Variants in TP53BP1 observed in about 807,000 individuals in gnomAD.
TP53BP1 encodes TP53-binding protein 1.
Under a neutral mutation model 200.8 loss-of-function variants are expected in TP53BP1, and 61 were observed. The observed-to-expected ratio is 0.30, with a 90% CI of 0.25 to 0.38. The LOEUF (loss-of-function observed/expected upper bound fraction) is 0.38. TP53BP1 is among the 10% of genes least tolerant of loss of function. The pLI is 1.00. For synonymous variants in TP53BP1, 822 were observed against 844.3 expected, an observed-to-expected ratio of 0.97 and a Z score of 0.46; for missense variants, 2,144 against 2,371.9, an observed-to-expected ratio of 0.90 and a Z score of 2.00.
At chr15:43,431,873 A>AC (rs1380445622) in intron 17 of TP53BP1, among the ~76,000 whole-genome samples, 2 of 152,224 alleles carry the variant, frequency 1.3e-5, no homozygotes, top group Non-Finnish European at 2.9e-5. Context: ...GGCAAGATAA[A>AC]AAGTATGGAG....
chr15:43,441,594 ACAAAAC>A lies in TP53BP1; in HGVS notation c.3041-17_3041-12del. The A allele has an allele frequency of 6.2e-7, 1 of 1,603,270 alleles. No homozygotes were observed. The highest frequency in any genetic ancestry group is 8.5e-7 in the Non-Finnish European group (1 of 1,170,304). The stretch of plus-strand genomic sequence containing the variant: ...CACCAGTTGCAGGCTCTGAATAAAA[ACAAAAC>A]CAAGGAGAGAAAGGAAAGAGAAACA... On this transcript the variant is annotated splice_polypyrimidine_tract_variant and intron_variant, in intron 14 of 27. Coordinates refer to ENST00000382044, the MANE Select transcript of TP53BP1 (RefSeq NM_001141980.3).
Position 43,416,349 on chromosome 15 carries a change from T to C in TP53BP1, c.4749A>G (p.Arg1583=), listed in dbSNP as rs775194259. The C allele has an allele frequency of 1.2e-6, 2 of 1,614,212 alleles. No individual in the cohort carries two copies. Among genetic ancestry groups the C allele is most frequent in the Non-Finnish European group, 8.5e-7 (1 of 1,180,030 alleles). ...LYYSIEKEGQ[R]KWYKRMAVIL... is the part of the protein sequence containing the mutation. The stretch of plus-strand genomic sequence containing the variant: ...TGACAGCCATTCGCTTATACCACTT[T>C]CTTTGGCCTTCTTTTTCAATGCTGT... Residue 1583 remains arginine, a synonymous_variant, in exon 22 of 28, where the codon AGA becomes AGG. Coordinates refer to ENST00000382044, the MANE Select transcript of TP53BP1 (RefSeq NM_001141980.3).
At chr15:43,491,850 C>T in intron 3 of TP53BP1, 97 bp from the exon 4 acceptor site, 1 of 1,155,912 alleles carries the variant, frequency 8.7e-7, no homozygotes. Context: ...ATCAGTGACA[C>T]TAGCACATCA....
Position 43,405,173 on chromosome 15 carries a change from C to T in TP53BP1, c.*2210G>A. The stretch of plus-strand genomic sequence containing the variant: ...AAGGTAGTCTTGGGAAAGCATGACA[C>T]TTAATAAGGCTCTTTTTCTCTTTTG... On this transcript the variant is annotated 3_prime_UTR_variant, in exon 28 of 28. Coordinates refer to ENST00000382044, the MANE Select transcript of TP53BP1 (RefSeq NM_001141980.3). The T allele has an allele frequency of 1.2e-6, 2 of 1,613,830 alleles. No homozygotes were observed. Among genetic ancestry groups the T allele is most frequent in the Non-Finnish European group, 8.5e-7 (1 of 1,179,810 alleles).
At chr15:43,474,491 A>C (rs1167992123) in intron 10 of TP53BP1, among the ~76,000 whole-genome samples, 182 bp downstream of exon 10, 1 of 152,050 alleles carries the variant, frequency 6.6e-6, no homozygotes, top group Non-Finnish European at 1.5e-5. Context: ...AAGGAAAAGC[A>C]AAGAACTGAG....
At chr15:43,495,648 T>C (rs1261716743), upstream of TP53BP1, among the ~76,000 whole-genome samples, 1 of 151,686 alleles carries the variant, frequency 6.6e-6, no homozygotes, top group Non-Finnish European at 1.5e-5. Flanking sequence ...AAACACGGTC[T>C]CTACTAAAAA....
intron 1 of TP53BP1, among the ~76,000 whole-genome samples, chr15:43,510,029 A>G (rs1407738909): frequency 6.6e-6 from 1 of 152,004 alleles, no homozygotes; most frequent in Non-Finnish European, 1.5e-5. Context: ...GACTAACAGC[A>G]CTTTTTTACA....
chr15:43,441,749 T>C (rs967312059), intron 14 of TP53BP1, among the ~76,000 whole-genome samples, 166 bp from the exon 15 acceptor site: 6 of 152,200 alleles, frequency 3.9e-5, no homozygotes, highest in Non-Finnish European at 7.3e-5. Context: ...CTTGTAATTT[T>C]ATTTATTTAT....
intron 18 of TP53BP1, among the ~76,000 whole-genome samples, chr15:43,424,488 GATCT>G (rs1274128126): frequency 1.3e-5 from 2 of 152,100 alleles, no homozygotes; most frequent in African/African-American, 4.8e-5. Context: ...ATAATAACTG[GATCT>G]ATCACAGAAT....
chr15:43,454,993 G>C (rs1422271080), intron 12 of TP53BP1, among the ~76,000 whole-genome samples: 3 of 152,210 alleles, frequency 2.0e-5, no homozygotes, highest in Non-Finnish European at 2.9e-5. Flanking sequence ...GCCTCCCAAA[G>C]TGTTAGGATT....
At position 43,413,199 on chromosome 15, in the gene TP53BP1, G is replaced by A. The variant is rs761234032; in HGVS notation, c.5225C>T (p.Thr1742Ile). 1 of 1,614,200 alleles carries A rather than the reference G, an allele frequency of 6.2e-7. No individual in the cohort carries two copies. The highest frequency in any genetic ancestry group is 1.7e-5 in the Admixed American group (1 of 60,032). ...CAACTTGTCACTGGTTGTGGCCATG[G>A]TAAGGAGAAATGCGTAGCCCAGAAA... ...TLFLGYAFLLTMATTSDKLAS... is the reference protein window; with the variant it reads ...TLFLGYAFLLIMATTSDKLAS... Residue 1742 changes from threonine (T) to isoleucine (I), a missense_variant, in exon 24 of 28, where the codon ACC becomes ATC. Physicochemically the swap from Thr to Ile is moderately conservative, Grantham distance 89. This residue lies in a region of TP53BP1 where 334 missense variants were observed against 453.4 expected (regional missense o/e 0.74). Transcript: ENST00000382044.
chr15:43,448,390 C>A (rs1393403281), intron 12 of TP53BP1, among the ~76,000 whole-genome samples: 1 of 152,106 alleles, frequency 6.6e-6, no homozygotes, highest in Non-Finnish European at 1.5e-5. Context: ...TTTCTTCTTA[C>A]TTTCCTGGGA....
At chr15:43,415,853 T>G in intron 22 of TP53BP1, 44 bp from the exon 23 acceptor site, 8 of 1,542,004 alleles carry the variant, frequency 5.2e-6, no homozygotes, top group Non-Finnish European at 6.2e-6. Flanking sequence ...CTCTATGGTA[T>G]GAGGCCCTGA....
At chr15:43,416,590 A>G (rs1041995837) in intron 21 of TP53BP1, 174 bp from the exon 22 acceptor site, 2 of 536,692 alleles carry the variant, frequency 3.7e-6, no homozygotes, top group Admixed American at 3.4e-5. Context: ...CACTTAGGAT[A>G]TATGTAGCTA....
intron 18 of TP53BP1, 55 bp downstream of exon 18, chr15:43,427,961 A>G: frequency 5.0e-6 from 6 of 1,201,332 alleles, no homozygotes; most frequent in Middle Eastern, 2.4e-4. Context: ...TGTCTCCAAA[A>G]AAAAAAAAAA....
intron 17 of TP53BP1, among the ~76,000 whole-genome samples, chr15:43,429,143 C>A (rs1289250932): frequency 6.6e-6 from 1 of 152,056 alleles, no homozygotes; most frequent in African/African-American, 2.4e-5. Context: ...TTACAGACAG[C>A]CCGAGTTCAT....
At chr15:43,415,856 G>A in intron 22 of TP53BP1, 47 bp from the exon 23 acceptor site, 2 of 1,517,290 alleles carry the variant, frequency 1.3e-6, no homozygotes, top group Non-Finnish European at 1.8e-6. Flanking sequence ...TATGGTATGA[G>A]GCCCTGAACT....
At chr15:43,455,759 A>T in intron 12 of TP53BP1, 133 bp downstream of exon 12, 6 of 1,169,556 alleles carry the variant, frequency 5.1e-6, no homozygotes, top group Non-Finnish European at 5.9e-6. Flanking sequence ...TTAATTTCCC[A>T]ATTATTATTG....
At position 43,420,687 on chromosome 15, in the gene TP53BP1, G is replaced by C. The variant is rs1299399637; in HGVS notation, c.4299C>G (p.Asn1433Lys). 6.2e-7 allele frequency: 1 copy of C among 1,614,206 alleles called. No homozygotes were observed. Among genetic ancestry groups the C allele is most frequent in the African/African-American group, 1.3e-5 (1 of 75,064 alleles). The stretch of plus-strand genomic sequence containing the variant: ...TGAAGGATTTATCATCTGGTGACAA[G>C]TTAGGTGAAATGTCCTCTATGCCCA... ...GPLGIEDISP[N>K]LSPDDKSFSR... is the part of the protein sequence containing the mutation. The change falls in exon 21 of 28, where the codon AAC becomes AAG. Residue 1433 changes from asparagine to lysine, a missense_variant. Asn to Lys is a moderately conservative substitution (Grantham distance 94). This residue lies in a region of TP53BP1 where 1,700 missense variants were observed against 1,710.3 expected (regional missense o/e 0.99). Transcript: ENST00000382044.
Sources: gnomAD v4.1 joint callset for allele counts (sites outside exome capture counted in the v4.1 genomes callset) on GRCh38, gnomAD v4.1.1 for gene constraint, gnomAD v4.1.1 regional missense constraint, MANE v1.5 for transcripts, NCBI Gene and HGNC (gene_info 2026-07-23, HGNC 2026-07-21) for gene names.